PLPPR3: variants seen among roughly 807,000 people sequenced by gnomAD.
The protein encoded by PLPPR3 is phospholipid phosphatase related 3.
In PLPPR3, 14 loss-of-function variants were observed where a neutral mutation model predicts 27.3. That is an observed-to-expected ratio of 0.51 (90% CI 0.34 to 0.80). The LOEUF is 0.80. Among genes scored for constraint, PLPPR3 ranks in the 30% least tolerant of loss-of-function variants. PLPPR3 has a pLI of 0.01. For missense variants in PLPPR3, 1,287 were observed against 1,056.9 expected, an observed-to-expected ratio of 1.22 and a Z score of -3.02; for synonymous variants, 671 against 508.0, an observed-to-expected ratio of 1.32 and a Z score of -4.32.
upstream of PLPPR3, among the ~76,000 whole-genome samples, chr19:823,561 C>A (rs569968142): frequency 1.3e-5 from 2 of 152,088 alleles, no homozygotes; most frequent in African/African-American, 4.8e-5. Flanking sequence ...GCCATAAATG[C>A]GGAAACAGTT....
intron 6 of PLPPR3, 31 bp downstream of exon 6, chr19:814,661 C>G: frequency 6.2e-7 from 1 of 1,608,666 alleles, no homozygotes; most frequent in Non-Finnish European, 8.5e-7. Flanking sequence ...AGCAAGAGGG[C>G]CTGGGAAGGG....
chr19:821,561 G>A lies in PLPPR3; in HGVS notation c.-2C>T, dbSNP rs1285421373. 1.3e-6 allele frequency: 2 copies of A among 1,482,652 alleles called. No individual in the cohort carries two copies. The highest frequency in any genetic ancestry group is 1.8e-6 in the Non-Finnish European group (2 of 1,109,750). The allele number at this position is 1,482,652 out of a possible 1,614,324, so 91.8% of individuals were successfully genotyped here. On this transcript the variant is annotated 5_prime_UTR_variant, in exon 2 of 8. Coordinates refer to ENST00000520876, the MANE Select transcript of PLPPR3 (RefSeq NM_001270366.2). ...GTTCTTCTCCTTGGTGGAGATCATG[G>A]TGCCGCGGGCGCCGCAGGCCGTGGC...
chr19:817,035 C>T (rs1797235152), intron 2 of PLPPR3, among the ~76,000 whole-genome samples: 2 of 136,048 alleles, frequency 1.5e-5, no homozygotes, highest in Admixed American at 7.9e-5. Flanking sequence ...ACCCATCTAT[C>T]CACCTACTCA....
In PLPPR3 at chr19:813,545, G is replaced by A. The variant is rs1194172380; in HGVS notation, c.1182C>T (p.Thr394=). ...GCGAGGCGTCCAGCGGCACGTGGAT[G>A]GTCATGTGGCGGCGCGCGGGGTCGT... ...SLDDPARRHM[T]IHVPLDASRS... The change falls in exon 8 of 8, where the codon ACC becomes ACT. Residue 394 remains threonine (T), a synonymous_variant. Transcript: ENST00000520876. This position sits in a 1 kb window ranked among gnomAD's most constrained non-coding sequence, Gnocchi z 4.1. The A allele has an allele frequency of 2.1e-5, 33 of 1,562,476 alleles. No individual in the cohort carries two copies. Among genetic ancestry groups the A allele is most frequent in the Non-Finnish European group, 2.7e-5 (31 of 1,155,684 alleles).
At chr19:816,767 ATCCATCCACCCATTC>A (rs2035068270) in intron 2 of PLPPR3, among the ~76,000 whole-genome samples, 1 of 141,674 alleles carries the variant, frequency 7.1e-6, no homozygotes, top group African/African-American at 2.7e-5. Flanking sequence ...CCCACCCATC[ATCCATCCACCCATTC>A]TCCACCCATG....
At chr19:823,467 C>G (rs976880125), upstream of PLPPR3, among the ~76,000 whole-genome samples, 7 of 93,022 alleles carry the variant, frequency 7.5e-5, no homozygotes, top group South Asian at 1.7e-3. Context: ...AACAAACAAA[C>G]AGTGACTCCA....
Position 815,289 on chromosome 19 carries a change from G to A in PLPPR3, c.300C>T (p.Ser100=). Residue 100 remains serine, a synonymous_variant, in exon 4 of 8, where the codon TCC becomes TCT. Transcript: ENST00000520876. ...VAEGMLYCLQ[S]RLWGRAGGPA... ...GCCCCCCGGCACGGCCCCACAGCCGGGACTGCAGACAGTACAACATGCCCT... is the reference window on the plus strand; with the variant it reads ...GCCCCCCGGCACGGCCCCACAGCCGAGACTGCAGACAGTACAACATGCCCT... 2.6e-6 allele frequency: 4 copies of A among 1,551,852 alleles called. No individual in the cohort carries two copies. The highest frequency in any genetic ancestry group is 3.5e-6 in the Non-Finnish European group (4 of 1,149,740).
chr19:822,662 C>G (rs555893466), upstream of PLPPR3, among the ~76,000 whole-genome samples: 1 of 152,178 alleles, frequency 6.6e-6, no homozygotes, highest in Non-Finnish European at 1.5e-5. Flanking sequence ...CCTCGGGACC[C>G]GCACTCGGGC....
At chr19:816,820 A>C (rs2035069360) in intron 2 of PLPPR3, among the ~76,000 whole-genome samples, 1 of 150,126 alleles carries the variant, frequency 6.7e-6, no homozygotes, top group Admixed American at 6.6e-5. Context: ...CCATCCATCC[A>C]TCCATCACCT....
At position 813,736 on chromosome 19, in the gene PLPPR3, G is replaced by A. The variant is rs1374512111; in HGVS notation, c.991C>T (p.Arg331Trp). The A allele has an allele frequency of 1.3e-6, 2 of 1,525,228 alleles. No homozygotes were observed. The highest frequency in any genetic ancestry group is 2.5e-5 in the East Asian group (1 of 40,368). The allele number at this position is 1,525,228 out of a possible 1,614,324, so 94.5% of individuals were successfully genotyped here. ...ACGGGCCGGGGCGCGCCCTCCAGCC[G>A]CCCTGGGGGCCCCAGCTCGTCGGTG... ...VSTDELGPPG[R>W]LEGAPRPVAR... The change falls in exon 8 of 8, where the codon CGG becomes TGG. Residue 331 changes from arginine (R) to tryptophan (W), a missense_variant. Arg to Trp is a moderately radical substitution (Grantham distance 101). Transcript: ENST00000520876. This position sits in a 1 kb window ranked among gnomAD's most constrained non-coding sequence, Gnocchi z 4.1.
chr19:815,712 G>A lies in PLPPR3; in HGVS notation c.215C>T (p.Pro72Leu), dbSNP rs1390462995. 9 of 1,608,804 alleles carry A rather than the reference G, an allele frequency of 5.6e-6. No individual in the cohort carries two copies. The highest frequency in any genetic ancestry group is 6.8e-6 in the Non-Finnish European group (8 of 1,178,208). ...PYVETNEELI[P>L]LLMLLSLAFA... The stretch of plus-strand genomic sequence containing the variant: ...GGCCAAGCTGAGCAGCATCAGCAGC[G>A]GGATGAGCTCCTCGTTGGTCTCCAC... The change falls in exon 3 of 8, where the codon CCG becomes CTG. Residue 72 changes from proline to leucine, a missense_variant. Pro to Leu is a moderately conservative substitution (Grantham distance 98). Transcript: ENST00000520876.
chr19:815,839 C>G lies in PLPPR3; in HGVS notation c.88G>C (p.Ala30Pro). 6.2e-7 allele frequency: 1 copy of G among 1,612,522 alleles called. No individual in the cohort carries two copies. Among genetic ancestry groups the G allele is most frequent in the Non-Finnish European group, 8.5e-7 (1 of 1,179,738 alleles). ...AAGTACAAGGATACGATGGAAGAAG[C>G]CACTATGGGCAGCTGTGGGGACAAG... Reference protein sequence around the residue: ...CFYFVELPIVASSIVSLYFLE... With the variant: ...CFYFVELPIVPSSIVSLYFLE... The change falls in exon 3 of 8, where the codon GCT becomes CCT. Residue 30 changes from alanine (A) to proline (P), a missense_variant. Coordinates refer to ENST00000520876, the MANE Select transcript of PLPPR3 (RefSeq NM_001270366.2).
chr19:821,428 C>G, intron 2 of PLPPR3, 57 bp downstream of exon 2: 1 of 1,472,260 alleles, frequency 6.8e-7, no homozygotes, highest in Non-Finnish European at 9.1e-7. Flanking sequence ...GCGGGGGTCT[C>G]TGCGGGCGGG....
chr19:816,304 TC>T (rs2035052083), intron 2 of PLPPR3, among the ~76,000 whole-genome samples: 1 of 139,638 alleles, frequency 7.2e-6, no homozygotes. Context: ...CATCCATCTA[TC>T]CACCCACCCA....
Position 813,581 on chromosome 19 carries a change from C to T in PLPPR3, c.1146G>A (p.Ala382=), listed in dbSNP as rs758375482. 100 of 1,554,282 alleles carry T rather than the reference C, an allele frequency of 6.4e-5. No homozygotes were observed. Among genetic ancestry groups the T allele is most frequent in the Non-Finnish European group, 7.6e-5 (88 of 1,151,410 alleles). The stretch of plus-strand genomic sequence containing the variant: ...GGCGCGCGGGGTCGTCCAGCGAGGG[C>T]GCGCTGGCCCTGGGCAGCGTGTGGC... ...TFSHTLPRAS[A]PSLDDPARRH... Residue 382 remains alanine (A), a synonymous_variant, in exon 8 of 8, where the codon GCG becomes GCA. Transcript: ENST00000520876. The surrounding 1 kb of genome is among the most constrained non-coding windows in gnomAD (Gnocchi z 4.1).
chr19:814,879 G>A lies in PLPPR3; in HGVS notation c.599+7C>T, dbSNP rs778864779. 63 of 1,606,390 alleles carry A rather than the reference G, an allele frequency of 3.9e-5. No individual in the cohort carries two copies. The highest frequency in any genetic ancestry group is 6.7e-5 in the Admixed American group (4 of 59,940). On this transcript the variant is annotated splice_region_variant and intron_variant, in intron 5 of 7. Transcript: ENST00000520876. ...TCCCAGTCAGGGGAGTTGGGGGTCC[G>A]GCTCACCGTGCAGACAGGATGGCGT...
chr19:814,006 T>C, intron 7 of PLPPR3, 111 bp from the exon 8 acceptor site: 2 of 1,048,292 alleles, frequency 1.9e-6, no homozygotes, highest in South Asian at 3.5e-5. Flanking sequence ...GCTGGCAAGC[T>C]CTTGTCCAGT....
intron 1 of PLPPR3, 152 bp from the exon 2 acceptor site, chr19:821,737 C>G (rs955488104): frequency 2.5e-6 from 1 of 401,336 alleles, no homozygotes; most frequent in East Asian, 4.0e-5. Context: ...GCCCAGCACG[C>G]GGCTTCCGGG....
intron 2 of PLPPR3, among the ~76,000 whole-genome samples, chr19:819,806 A>G (rs916451412): frequency 1.3e-5 from 2 of 152,020 alleles, no homozygotes; most frequent in Admixed American, 1.3e-4. Context: ...CCATCACTAG[A>G]GCCGGTTTTC....
Sources: gnomAD v4.1 joint callset for allele counts (sites outside exome capture counted in the v4.1 genomes callset) on GRCh38, gnomAD v4.1.1 for gene constraint, Gnocchi (gnomAD v3.1) non-coding constraint, MANE v1.5 for transcripts, NCBI Gene and HGNC (gene_info 2026-07-23, HGNC 2026-07-21) for gene names.